Variants in ZHX2 observed in about 807,000 individuals in gnomAD.
ZHX2 encodes the protein zinc fingers and homeoboxes protein 2.
ZHX2 carries 6 observed loss-of-function variants against 21.9 expected under a neutral mutation model. That is an observed-to-expected ratio of 0.27 (90% CI 0.15 to 0.54). The LOEUF is 0.54. Ranked by LOEUF, ZHX2 falls within the 20% of genes least tolerant of loss-of-function variation. The probability of loss-of-function intolerance (pLI) is 0.95; values close to 1 mark genes in which losing one functional copy is unlikely to be tolerated. For missense variants in ZHX2, 908 were observed against 1,090.7 expected, an observed-to-expected ratio of 0.83 and a Z score of 2.36; for synonymous variants, 434 against 437.1, an observed-to-expected ratio of 0.99 and a Z score of 0.09.
At chr8:122,961,228 T>C (rs1418425315) in intron 3 of ZHX2, among the ~76,000 whole-genome samples, 3 of 152,216 alleles carry the variant, frequency 2.0e-5, no homozygotes, top group Non-Finnish European at 2.9e-5. Context: ...CTTTGCTCTG[T>C]GTGTTCACAT....
Position 122,831,947 on chromosome 8 carries a change from A to G in ZHX2, c.-282-31530A>G, listed in dbSNP as rs181173377. Among the ~76,000 whole-genome samples, 13 of 152,260 alleles carry G rather than the reference A, an allele frequency of 8.5e-5. No individual in the cohort carries two copies. In the East Asian group the frequency reaches 2.5e-3, roughly 29 times the overall value. On this transcript the variant is annotated intron_variant, in intron 1 of 3. Coordinates refer to ENST00000314393, the MANE Select transcript of ZHX2 (RefSeq NM_014943.5). ...GCCTAGCGGGAGGAGATTGGCTTCA[A>G]TAGTGTGCATGTGGGGTGGTGACAC...
At chr8:122,801,901 T>A (rs1817728357) in intron 1 of ZHX2, among the ~76,000 whole-genome samples, 1 of 152,144 alleles carries the variant, frequency 6.6e-6, no homozygotes, top group Admixed American at 6.5e-5. Flanking sequence ...GATTCTGGAA[T>A]AAGTATGAGG....
chr8:122,851,433 C>A (rs1313203803), intron 1 of ZHX2, among the ~76,000 whole-genome samples: 1 of 151,956 alleles, frequency 6.6e-6, no homozygotes, highest in South Asian at 2.1e-4. Flanking sequence ...TAAAAGATAC[C>A]CCCTGCAGGA....
At chr8:122,920,048 C>T (rs916252790) in intron 2 of ZHX2, among the ~76,000 whole-genome samples, 6 of 152,044 alleles carry the variant, frequency 3.9e-5, no homozygotes, top group African/African-American at 7.2e-5. Flanking sequence ...CTGAGGCAGG[C>T]GGGTCATCTG....
At chr8:122,792,631 A>G (rs1279102359) in intron 1 of ZHX2, among the ~76,000 whole-genome samples, 1 of 152,078 alleles carries the variant, frequency 6.6e-6, no homozygotes, top group African/African-American at 2.4e-5. Flanking sequence ...ATCTCTGTCC[A>G]CCCTTGGTAT....
intron 2 of ZHX2, among the ~76,000 whole-genome samples, chr8:122,937,279 G>T (rs772690872): frequency 6.6e-6 from 1 of 152,266 alleles, no homozygotes; most frequent in Non-Finnish European, 1.5e-5. Context: ...TGGGGAAGAA[G>T]TGGAAGAACC....
chr8:122,841,320 A>C (rs1586315030), intron 1 of ZHX2, among the ~76,000 whole-genome samples: 1 of 152,154 alleles, frequency 6.6e-6, no homozygotes, highest in East Asian at 1.9e-4. Context: ...TCTTTCCTGT[A>C]TTCAATCCAG....
At position 122,794,023 on chromosome 8, in the gene ZHX2, A is replaced by G. The variant is rs556777872; in HGVS notation, c.-283+12077A>G. Among the ~76,000 whole-genome samples the G allele has an allele frequency of 4.6e-5, 7 of 152,272 alleles. No individual in the cohort carries two copies. In the South Asian group the frequency reaches 1.5e-3, roughly 32 times the overall value. On this transcript the variant is annotated intron_variant, in intron 1 of 3. Coordinates refer to ENST00000314393, the MANE Select transcript of ZHX2 (RefSeq NM_014943.5). The stretch of plus-strand genomic sequence containing the variant: ...ATCGTACATGTGGGTTGGTGCCATG[A>G]TGAGTCCTTGAGTTTGCTGAACCTG...
chr8:122,789,235 G>A (rs539600936), intron 1 of ZHX2, among the ~76,000 whole-genome samples: 29 of 152,296 alleles, frequency 1.9e-4, no homozygotes, highest in South Asian at 2.1e-4. Flanking sequence ...ATCATAACAC[G>A]TCTGCCTATG....
intron 3 of ZHX2, among the ~76,000 whole-genome samples, chr8:122,970,361 T>A (rs548141601): frequency 6.6e-6 from 1 of 152,344 alleles, no homozygotes; most frequent in East Asian, 1.9e-4. Flanking sequence ...CAAATGCCTG[T>A]TGAGTATGCT....
intron 1 of ZHX2, among the ~76,000 whole-genome samples, chr8:122,852,746 G>A (rs544206071): frequency 1.8e-4 from 27 of 152,258 alleles, no homozygotes; most frequent in African/African-American, 5.3e-4. Flanking sequence ...GGGCAGAGCC[G>A]AGAATATTAC....
At chr8:122,819,014 C>T (rs912101611) in intron 1 of ZHX2, among the ~76,000 whole-genome samples, 5 of 152,144 alleles carry the variant, frequency 3.3e-5, no homozygotes, top group African/African-American at 1.2e-4. Flanking sequence ...TTTTGTGGGT[C>T]TAGTTTGTTC....
intron 1 of ZHX2, among the ~76,000 whole-genome samples, chr8:122,850,956 G>C (rs1173601209): frequency 6.6e-6 from 1 of 152,076 alleles, no homozygotes; most frequent in African/African-American, 2.4e-5. Context: ...GCTCGCCCTG[G>C]GACACAGGCC....
At chr8:122,907,934 C>T (rs1422039219) in intron 2 of ZHX2, among the ~76,000 whole-genome samples, 1 of 152,158 alleles carries the variant, frequency 6.6e-6, no homozygotes, top group African/African-American at 2.4e-5. Context: ...CCTATTGCTG[C>T]ATTTTCCAAA....
chr8:122,825,850 C>A (rs1049124628), intron 1 of ZHX2, among the ~76,000 whole-genome samples: 1 of 152,168 alleles, frequency 6.6e-6, no homozygotes, highest in Non-Finnish European at 1.5e-5. Context: ...CCCCTTTGGA[C>A]CTAAATTAAT....
chr8:122,793,956 CT>C (rs1219104559), intron 1 of ZHX2, among the ~76,000 whole-genome samples: 2 of 152,196 alleles, frequency 1.3e-5, no homozygotes, highest in African/African-American at 4.8e-5. Flanking sequence ...CTATAGGGTC[CT>C]CTGTTGGGAG....
At chr8:122,888,787 A>G (rs891539321) in intron 2 of ZHX2, among the ~76,000 whole-genome samples, 8 of 152,188 alleles carry the variant, frequency 5.3e-5, no homozygotes, top group Non-Finnish European at 7.4e-5. Flanking sequence ...ACAGCCACAA[A>G]GAATTATTGT....
chr8:122,788,712 T>C (rs1376683682), intron 1 of ZHX2, among the ~76,000 whole-genome samples: 1 of 152,242 alleles, frequency 6.6e-6, no homozygotes, highest in African/African-American at 2.4e-5. Context: ...TACGTAAGTC[T>C]TCTGGAAGCC....
chr8:122,836,347 G>A (rs1249701506), intron 1 of ZHX2, among the ~76,000 whole-genome samples: 3 of 152,200 alleles, frequency 2.0e-5, no homozygotes, highest in Non-Finnish European at 4.4e-5. Context: ...AGAGGCAACT[G>A]GAGGCTGAGG....
Sources: gnomAD v4.1 joint callset for allele counts (sites outside exome capture counted in the v4.1 genomes callset) on GRCh38, gnomAD v4.1.1 for gene constraint, MANE v1.5 for transcripts, NCBI Gene and HGNC (gene_info 2026-07-23, HGNC 2026-07-21) for gene names.